The following NSMAF variants were observed in gnomAD, a reference collection of about 807,000 sequenced individuals.
NSMAF encodes protein FAN.
A neutral mutation model predicts 134.9 loss-of-function variants in NSMAF; 90 were observed. That is an observed-to-expected ratio of 0.67 (90% CI 0.56 to 0.79). The LOEUF is 0.79. Ranked by LOEUF, NSMAF falls within the 30% of genes least tolerant of loss-of-function variation. NSMAF has a pLI of 0.00. For synonymous variants in NSMAF, 358 were observed against 389.6 expected (o/e 0.92, Z 0.96); for missense variants, 1,010 against 1,119.0 (o/e 0.90, Z 1.39).
intron 2 of NSMAF, among the ~76,000 whole-genome samples, chr8:58,636,026 G>C (rs1257055617): frequency 6.6e-6 from 1 of 152,188 alleles, no homozygotes; most frequent in African/African-American, 2.4e-5. Context: ...GATTTAGTTT[G>C]CAATTCTTTC....
intron 1 of NSMAF, among the ~76,000 whole-genome samples, chr8:58,656,238 G>A (rs981879326): frequency 2.6e-5 from 4 of 151,866 alleles, no homozygotes; most frequent in East Asian, 2.0e-4. Flanking sequence ...TCCTCACCTC[G>A]TGATCTGCCT....
chr8:58,599,321 C>T lies in NSMAF; in HGVS notation c.1496G>A (p.Ser499Asn). Residue 499 changes from serine to asparagine, a missense_variant, in exon 19 of 31, where the codon AGC (serine) becomes AAC (asparagine). By Grantham distance (46) the Ser-to-Asn change is conservative. Transcript: ENST00000038176. ...FLQKSKDALE[S>N]NYVSEHLHEW... ...GTGAAGGTGTTCAGACACATAATTG[C>T]TTTCCAATGCATCTTTGCTCTTCTG... is the stretch of plus-strand genomic sequence containing the variant. The T allele has an allele frequency of 6.2e-7, 1 of 1,614,082 alleles. No individual in the cohort carries two copies. The highest frequency in any genetic ancestry group is 1.1e-5 in the South Asian group (1 of 91,082).
At position 58,616,740 on chromosome 8, in the gene NSMAF, T is replaced by C. The variant is rs192650921; in HGVS notation, c.557+6480A>G. On this transcript the variant is annotated intron_variant, in intron 9 of 30. Transcript: ENST00000038176. ...CACATCTATTAATAAAACTGTGCAA[T>C]GAGGCAAGAAATAGAAAATAAAAGC... 2.1e-3 allele frequency among the ~76,000 whole-genome samples: 312 copies of C among 152,168 alleles called. 2 individuals are homozygous for C. The highest frequency in any genetic ancestry group is 7.2e-3 in the African/African-American group (299 of 41,528).
At chr8:58,601,141 A>G in intron 16 of NSMAF, 144 bp downstream of exon 16, 1 of 680,366 alleles carries the variant, frequency 1.5e-6, no homozygotes, top group Non-Finnish European at 2.5e-6. Flanking sequence ...ATGTCTAGAA[A>G]AAGCCTGAGA....
chr8:58,623,326 T>C (rs1214210628), intron 8 of NSMAF, 51 bp downstream of exon 8: 2 of 1,603,998 alleles, frequency 1.2e-6, no homozygotes, highest in Non-Finnish European at 1.7e-6. Context: ...AAGTAAAATA[T>C]CAATACAAGT....
Position 58,584,093 on chromosome 8 carries a change from G to T in NSMAF, c.*13C>A. 6.3e-7 allele frequency: 1 copy of T among 1,582,778 alleles called. No homozygotes were observed. The highest frequency in any genetic ancestry group is 8.7e-7 in the Non-Finnish European group (1 of 1,151,612). On this transcript the variant is annotated 3_prime_UTR_variant, in exon 31 of 31. Transcript: ENST00000038176. Reference sequence around the variant, plus strand: ...ATAGAGTTCAATTTAATATTCAGGAGAGGAAAAGGCACTTAATACTGCAAT... The same window carrying T: ...ATAGAGTTCAATTTAATATTCAGGATAGGAAAAGGCACTTAATACTGCAAT...
rs190353140 is a variant in NSMAF, at chr8:58,632,581, G to C, written c.334-1035C>G. ...TCCGTCTACTTTTGGACCTTGCTTT[G>C]TTCCCAATCTCTTAAATTAGAGAGG... On this transcript the variant is annotated intron_variant, in intron 5 of 30. Transcript: ENST00000038176. Among the ~76,000 whole-genome samples the C allele has an allele frequency of 1.1e-4, 17 of 152,198 alleles. No homozygotes were observed. In the East Asian group the frequency reaches 2.9e-3, roughly 26 times the overall value.
Position 58,643,030 on chromosome 8 carries a change from G to A in NSMAF, c.103C>T (p.Gln35Ter). 1 of 1,614,088 alleles carries A rather than the reference G, an allele frequency of 6.2e-7. No homozygotes were observed. The highest frequency in any genetic ancestry group is 8.5e-7 in the Non-Finnish European group (1 of 1,179,978). Residue 35 changes from glutamine (Q) to a stop codon, truncating the protein, a stop_gained, in exon 2 of 31, where the codon CAG (glutamine) becomes TAG (stop). Transcript: ENST00000038176. LOFTEE classifies it high-confidence loss of function. ...TGCAAAATGTGATTGGCTCTATGCT[G>A]TTCAAAGTAGTACTCCTCCAAGTTA... ...LLNLEEYYFE[Q>*]HRANHILHKG...
intron 6 of NSMAF, among the ~76,000 whole-genome samples, chr8:58,624,063 A>G (rs565861250): frequency 9.2e-6 from 1 of 109,040 alleles, no homozygotes; most frequent in Non-Finnish European, 1.8e-5. Flanking sequence ...TTTTTTTGAG[A>G]CAGAGTCTTG....
At chr8:58,604,554 T>TA (rs1563529086) in intron 12 of NSMAF, among the ~76,000 whole-genome samples, 7 of 95,214 alleles carry the variant, frequency 7.4e-5, no homozygotes, top group South Asian at 3.6e-4. Flanking sequence ...CATAGATATA[T>TA]ATAATATATA....
intron 15 of NSMAF, 23 bp downstream of exon 15, chr8:58,601,406 AAATAAAATTTAATTGG>A: frequency 1.2e-6 from 2 of 1,611,874 alleles, no homozygotes; most frequent in Non-Finnish European, 1.7e-6. Flanking sequence ...GAATACAGTG[AAATAAAATTTAATTGG>A]GGGTAATGAT....
intron 1 of NSMAF, among the ~76,000 whole-genome samples, chr8:58,652,988 T>A (rs1223811173): frequency 2.6e-5 from 4 of 152,164 alleles, no homozygotes; most frequent in African/African-American, 9.7e-5. Context: ...CATGTAAAAC[T>A]ACAGAAGCAT....
Position 58,623,715 on chromosome 8 carries a change from C to G in NSMAF, c.450G>C (p.Leu150Phe), listed in dbSNP as rs908485864. The stretch of plus-strand genomic sequence containing the variant: ...CTACCCAGCAAGTGCTTACCTGAAG[C>G]AACGTCTCCACAACATCTTCCACTT... Reference protein sequence around the residue: ...PGKVEDVVETLLQLHRASCLD... With the variant: ...PGKVEDVVETFLQLHRASCLD... The change falls in exon 7 of 31, where the codon TTG becomes TTC. Residue 150 changes from leucine to phenylalanine, a missense_variant. Coordinates refer to ENST00000038176, the MANE Select transcript of NSMAF (RefSeq NM_003580.4). 6.2e-7 allele frequency: 1 copy of G among 1,613,716 alleles called. No individual in the cohort carries two copies. The highest frequency in any genetic ancestry group is 2.2e-5 in the East Asian group (1 of 44,874).
intron 9 of NSMAF, among the ~76,000 whole-genome samples, chr8:58,611,084 A>T (rs1485299051): frequency 6.6e-6 from 1 of 152,188 alleles, no homozygotes; most frequent in Non-Finnish European, 1.5e-5. Flanking sequence ...CCTTTTTAAC[A>T]AACTGCTCAA....
chr8:58,588,099 A>G (rs1301442413), intron 26 of NSMAF, among the ~76,000 whole-genome samples: 4 of 152,236 alleles, frequency 2.6e-5, no homozygotes, highest in Admixed American at 2.0e-4. Context: ...GAATGGAAGA[A>G]AAATTCTGAA....
At position 58,589,471 on chromosome 8, in the gene NSMAF, G is replaced by GATGCAGAATATAGCCTGTTGTC. The variant is rs772306986; in HGVS notation, c.2170_2191dup (p.Ser731Ter). 6.6e-7 allele frequency: 1 copy of GATGCAGAATATAGCCTGTTGTC among 1,521,570 alleles called. No individual in the cohort carries two copies. The highest frequency in any genetic ancestry group is 2.5e-5 in the Admixed American group (1 of 40,204). The allele number at this position is 1,521,570 out of a possible 1,614,324, so 94.3% of individuals were successfully genotyped here. A position where few individuals can be genotyped will look rare whatever the true frequency, so the allele number is the denominator to read the frequency against. ...ATGAACCTTCACTGTAGAGTCCCAC[G>GATGCAGAATATAGCCTGTTGTC]ATGCAGAATATAGCCTGTTGTCATG... On this transcript the variant is annotated stop_gained and frameshift_variant, in exon 26 of 31. Transcript: ENST00000038176. LOFTEE classifies it high-confidence loss of function.
At chr8:58,642,852 T>G (rs1204954378) in intron 2 of NSMAF, 132 bp downstream of exon 2, 3 of 695,128 alleles carry the variant, frequency 4.3e-6, no homozygotes, top group Non-Finnish European at 7.6e-6. Context: ...AAAGTCTAAA[T>G]AAAATTTACT....
At chr8:58,652,232 G>T (rs1246686923) in intron 1 of NSMAF, among the ~76,000 whole-genome samples, 1 of 152,162 alleles carries the variant, frequency 6.6e-6, no homozygotes, top group Non-Finnish European at 1.5e-5. Context: ...AGAAAAGAGA[G>T]ATTACCTACA....
chr8:58,639,717 T>C (rs1397217244), intron 2 of NSMAF, among the ~76,000 whole-genome samples: 9 of 152,128 alleles, frequency 5.9e-5, no homozygotes, highest in Non-Finnish European at 8.8e-5. Flanking sequence ...TGTCCATTGA[T>C]AGATTAATGA....
Sources: allele counts gnomAD v4.1 joint callset (sites outside exome capture counted in the v4.1 genomes callset), GRCh38; gene constraint gnomAD v4.1.1; transcripts MANE v1.5; gene names NCBI Gene and HGNC (gene_info 2026-07-23, HGNC 2026-07-21).